ERBB4: variants seen among roughly 807,000 people sequenced by gnomAD.
ERBB4 encodes the protein receptor tyrosine-protein kinase erbB-4.
In ERBB4, 42 loss-of-function variants were observed where a neutral mutation model predicts 158.0. That is an observed-to-expected ratio of 0.27 (90% CI 0.21 to 0.34). The LOEUF (loss-of-function observed/expected upper bound fraction) is 0.34. Among genes scored for constraint, ERBB4 ranks in the 10% least tolerant of loss-of-function variants. ERBB4 has a pLI of 1.00. For missense variants in ERBB4, 1,333 were observed against 1,624.1 expected, an observed-to-expected ratio of 0.82 and a Z score of 3.08; for synonymous variants, 583 against 558.7, an observed-to-expected ratio of 1.04 and a Z score of -0.61.
chr2:212,044,607 T>G (rs2077214675), intron 2 of ERBB4, among the ~76,000 whole-genome samples: 1 of 152,198 alleles, frequency 6.6e-6, no homozygotes, highest in Admixed American at 6.5e-5. Flanking sequence ...ACACTTTCTT[T>G]TACATTCTGA....
At chr2:212,269,618 T>C (rs1482964655) in intron 1 of ERBB4, among the ~76,000 whole-genome samples, 2 of 151,874 alleles carry the variant, frequency 1.3e-5, no homozygotes, top group Admixed American at 1.3e-4. Flanking sequence ...GCTATGGTCA[T>C]ACAAATAAAC....
rs552753288 is a variant in ERBB4 at position 211,996,788 on chromosome 2, T to C, written c.235-49172A>G. ...TCAGTAAATCCTATTTTGGTGCCAA[T>C]GAGTAAGAGAAACATCTCCCTGGGA... On this transcript the variant is annotated intron_variant, in intron 2 of 27. Coordinates refer to ENST00000342788, the MANE Select transcript of ERBB4 (RefSeq NM_005235.3). 5.0e-4 allele frequency among the ~76,000 whole-genome samples: 76 copies of C among 152,280 alleles called. 1 individual carries two copies. Among genetic ancestry groups the C allele is most frequent in the African/African-American group, 1.3e-3 (56 of 41,566 alleles).
At chr2:212,141,009 C>G (rs1349245163) in intron 1 of ERBB4, among the ~76,000 whole-genome samples, 1 of 151,554 alleles carries the variant, frequency 6.6e-6, no homozygotes, top group East Asian at 1.9e-4. Flanking sequence ...TTATTTATCT[C>G]TTCTGATCTC....
At chr2:211,877,417 A>G (rs2078533311) in intron 3 of ERBB4, among the ~76,000 whole-genome samples, 1 of 152,208 alleles carries the variant, frequency 6.6e-6, no homozygotes, top group Non-Finnish European at 1.5e-5. Context: ...CTGTTTTGCC[A>G]TTAATAGCTG....
At chr2:212,239,264 A>C (rs1437301974) in intron 1 of ERBB4, among the ~76,000 whole-genome samples, 1 of 152,130 alleles carries the variant, frequency 6.6e-6, no homozygotes, top group Non-Finnish European at 1.5e-5. Context: ...GCTGGTCTCA[A>C]ACTCCTGGGC....
chr2:211,630,666 AG>A, intron 16 of ERBB4, 72 bp from the exon 17 acceptor site: 1 of 1,307,702 alleles, frequency 7.6e-7, no homozygotes, highest in South Asian at 1.2e-5. Flanking sequence ...AGAAAAGAGC[AG>A]TTGTACAAGA....
intron 1 of ERBB4, among the ~76,000 whole-genome samples, chr2:212,461,599 T>C (rs1335072558): frequency 1.3e-5 from 2 of 152,142 alleles, no homozygotes; most frequent in Non-Finnish European, 2.9e-5. Context: ...AGATGAGACA[T>C]TGGACTGTGG....
intron 19 of ERBB4, among the ~76,000 whole-genome samples, chr2:211,609,996 T>A (rs561479188): frequency 6.6e-6 from 1 of 152,218 alleles, no homozygotes; most frequent in South Asian, 2.1e-4. Flanking sequence ...TCATAAAAAA[T>A]TTTCTAAGCT....
At chr2:212,515,247 A>G (rs1015728597) in intron 1 of ERBB4, among the ~76,000 whole-genome samples, 3 of 152,222 alleles carry the variant, frequency 2.0e-5, no homozygotes, top group Non-Finnish European at 4.4e-5. Flanking sequence ...ATCACTATTC[A>G]GTTAAATAAA....
intron 19 of ERBB4, among the ~76,000 whole-genome samples, chr2:211,587,392 A>T (rs1011997672): frequency 5.3e-5 from 8 of 152,084 alleles, no homozygotes; most frequent in Non-Finnish European, 1.2e-4. Context: ...AATAGAGCAT[A>T]CCTCTATTCC....
intron 1 of ERBB4, among the ~76,000 whole-genome samples, chr2:212,489,989 C>A (rs1690183756): frequency 6.6e-6 from 1 of 151,702 alleles, no homozygotes; most frequent in South Asian, 2.1e-4. Context: ...ATATTATGTT[C>A]TAAGAATATT....
At chr2:212,469,395 T>C (rs903630375) in intron 1 of ERBB4, among the ~76,000 whole-genome samples, 2 of 152,172 alleles carry the variant, frequency 1.3e-5, no homozygotes, top group Non-Finnish European at 2.9e-5. Context: ...TAAATGGATT[T>C]ATATTTCTAC....
chr2:211,490,626 G>A (rs866218064), intron 20 of ERBB4, among the ~76,000 whole-genome samples: 6 of 152,182 alleles, frequency 3.9e-5, no homozygotes, highest in Middle Eastern at 3.4e-3. Flanking sequence ...GCCCAGGCTG[G>A]AGGATTAACA....
chr2:212,534,015 C>T (rs1269859079), intron 1 of ERBB4, among the ~76,000 whole-genome samples: 1 of 152,184 alleles, frequency 6.6e-6, no homozygotes, highest in African/African-American at 2.4e-5. Context: ...TTGTAGGTAT[C>T]AGAAAATCCG....
chr2:211,664,427 A>G (rs1433314417), intron 15 of ERBB4, among the ~76,000 whole-genome samples: 2 of 152,060 alleles, frequency 1.3e-5, no homozygotes, highest in Non-Finnish European at 2.9e-5. Flanking sequence ...AATGGAGAAA[A>G]GGCTTTATGG....
intron 20 of ERBB4, among the ~76,000 whole-genome samples, chr2:211,463,839 A>G (rs2064601354): frequency 6.6e-6 from 1 of 152,014 alleles, no homozygotes; most frequent in African/African-American, 2.4e-5. Flanking sequence ...CAGGACCCTA[A>G]ATGATCTAGT....
intron 2 of ERBB4, among the ~76,000 whole-genome samples, chr2:211,954,659 G>C (rs769815950): frequency 3.3e-5 from 5 of 151,962 alleles, no homozygotes; most frequent in African/African-American, 9.7e-5. Context: ...GTGGTAAGAG[G>C]GGGGGTAATA....
chr2:211,751,995 G>T (rs6749096), intron 4 of ERBB4, among the ~76,000 whole-genome samples: 1 of 151,896 alleles, frequency 6.6e-6, no homozygotes. Flanking sequence ...AATTCTATTT[G>T]TGAAGTATTG....
intron 19 of ERBB4, among the ~76,000 whole-genome samples, chr2:211,596,381 A>G (rs1303788813): frequency 1.3e-5 from 2 of 152,242 alleles, no homozygotes; most frequent in African/African-American, 2.4e-5. Flanking sequence ...CTTCAAAATA[A>G]GACGAATATA....
Sources: gnomAD v4.1 joint callset for allele counts (sites outside exome capture counted in the v4.1 genomes callset) on GRCh38, gnomAD v4.1.1 for gene constraint, MANE v1.5 for transcripts, NCBI Gene and HGNC (gene_info 2026-07-23, HGNC 2026-07-21) for gene names.